PRKCB: variants seen among roughly 807,000 people sequenced by gnomAD.
The protein encoded by PRKCB is protein kinase C beta type.
Under a neutral mutation model 81.5 loss-of-function variants are expected in PRKCB, and 13 were observed. The observed-to-expected ratio is 0.16, with a 90% CI of 0.10 to 0.25. The LOEUF is 0.25. Among genes scored for constraint, PRKCB ranks in the 10% least tolerant of loss-of-function variants. The pLI, the probability that PRKCB is intolerant of heterozygous loss-of-function variation, is 1.00. For missense variants in PRKCB, 509 were observed against 875.7 expected, an observed-to-expected ratio of 0.58 and a Z score of 5.29; for synonymous variants, 335 against 321.4, an observed-to-expected ratio of 1.04 and a Z score of -0.45.
chr16:23,953,120 A>T (rs1449705108), intron 2 of PRKCB, among the ~76,000 whole-genome samples: 1 of 152,112 alleles, frequency 6.6e-6, no homozygotes, highest in African/African-American at 2.4e-5. Context: ...ACGGAGACAC[A>T]GAGTGTTTGA....
Position 23,964,674 on chromosome 16 carries a change from GT to G in PRKCB, c.206-23818del, listed in dbSNP as rs71381628. ...TTCCAGGGGGCAAACACCTCATGAG[GT>G]TTTTTTTTTTTTTTTGGCAGTCTTG... On this transcript the variant is annotated intron_variant, in intron 2 of 16. Coordinates refer to ENST00000643927, the MANE Select transcript of PRKCB (RefSeq NM_002738.7). Among the ~76,000 whole-genome samples the G allele has an allele frequency of 7.5e-3, 1,035 of 138,834 alleles. 6 individuals are homozygous for G. The highest frequency in any genetic ancestry group is 0.016 in the African/African-American group (614 of 37,852). The allele number at this position is 138,834 out of a possible 152,430, so 91.1% of individuals were successfully genotyped here.
intron 12 of PRKCB, 86 bp from the exon 13 acceptor site, chr16:24,180,704 A>C: frequency 6.8e-7 from 1 of 1,474,918 alleles, no homozygotes; most frequent in Non-Finnish European, 9.3e-7. Context: ...CACCTAACAC[A>C]GTGTTTTATG....
intron 8 of PRKCB, among the ~76,000 whole-genome samples, chr16:24,123,423 A>C (rs1243742935): frequency 6.6e-6 from 1 of 152,218 alleles, no homozygotes; most frequent in Non-Finnish European, 1.5e-5. Flanking sequence ...TACCCTGAAA[A>C]TGATGGGATG....
chr16:24,012,517 C>G (rs189285056), intron 3 of PRKCB, among the ~76,000 whole-genome samples: 1 of 152,364 alleles, frequency 6.6e-6, no homozygotes, highest in East Asian at 1.9e-4. Flanking sequence ...CTCTGTCTCA[C>G]TGGCCTACCC....
intron 3 of PRKCB, among the ~76,000 whole-genome samples, chr16:24,006,828 G>A (rs567090476): frequency 8.7e-5 from 13 of 149,852 alleles, no homozygotes; most frequent in East Asian, 1.9e-4. Context: ...GTACTGATAC[G>A]GGGAGCAGGG....
At chr16:23,992,192 G>A (rs1964894694) in intron 3 of PRKCB, among the ~76,000 whole-genome samples, 1 of 152,228 alleles carries the variant, frequency 6.6e-6, no homozygotes. Context: ...TGAGGAATAA[G>A]TTTATCATTT....
chr16:24,201,967 C>T (rs540020492), intron 16 of PRKCB, among the ~76,000 whole-genome samples: 12 of 150,092 alleles, frequency 8.0e-5, no homozygotes, highest in East Asian at 4.0e-4. Flanking sequence ...ACCCAGGAGG[C>T]GGAGCTTGCA....
At chr16:24,007,421 G>A (rs575185180) in intron 3 of PRKCB, among the ~76,000 whole-genome samples, 5 of 152,350 alleles carry the variant, frequency 3.3e-5, no homozygotes, top group African/African-American at 1.2e-4. Context: ...CTGATAAAAT[G>A]ATGGTAATGT....
chr16:24,082,279 A>G (rs552594544), intron 5 of PRKCB, among the ~76,000 whole-genome samples: 1 of 152,330 alleles, frequency 6.6e-6, no homozygotes, highest in South Asian at 2.1e-4. Context: ...TGAAGATAGC[A>G]AGTCTTACGA....
chr16:24,175,626 G>T (rs575701861), intron 12 of PRKCB, among the ~76,000 whole-genome samples: 1 of 151,842 alleles, frequency 6.6e-6, no homozygotes, highest in South Asian at 2.1e-4. Flanking sequence ...GAGAGTTAGG[G>T]GTGACTTGAG....
chr16:24,215,552 C>G lies in PRKCB; in HGVS notation c.*736C>G. The G allele has an allele frequency of 2.0e-6, 2 of 985,522 alleles. No individual in the cohort carries two copies. Among genetic ancestry groups the G allele is most frequent in the Middle Eastern group, 5.2e-4 (1 of 1,914 alleles). 61.0% of individuals were successfully genotyped at this position (985,522 alleles called of 1,614,324 possible). A position where few individuals can be genotyped will look rare whatever the true frequency, so the allele number is the denominator to read the frequency against. ...CACTCTCTGAAACAACACAGTCACT[C>G]TAGCAAGGCCCCCAAAGGGCCCTGG... On this transcript the variant is annotated 3_prime_UTR_variant, in exon 17 of 17. Coordinates refer to ENST00000643927, the MANE Select transcript of PRKCB (RefSeq NM_002738.7).
chr16:24,046,713 C>T (rs557814883), intron 5 of PRKCB, among the ~76,000 whole-genome samples: 3 of 152,080 alleles, frequency 2.0e-5, no homozygotes, highest in East Asian at 1.9e-4. Context: ...GGGTGGGTGA[C>T]GCTGGAGGAA....
intron 5 of PRKCB, among the ~76,000 whole-genome samples, chr16:24,062,090 A>T (rs1184754676): frequency 6.6e-6 from 1 of 152,222 alleles, no homozygotes; most frequent in Non-Finnish European, 1.5e-5. Flanking sequence ...CGTTTCCAGT[A>T]TCTCATTACT....
chr16:24,119,118 T>C (rs1046573570), intron 8 of PRKCB, among the ~76,000 whole-genome samples: 1 of 121,858 alleles, frequency 8.2e-6, no homozygotes, highest in Non-Finnish European at 1.7e-5. Flanking sequence ...CCAACAGGGT[T>C]ATCAGACTTC....
intron 5 of PRKCB, among the ~76,000 whole-genome samples, chr16:24,077,147 G>C (rs952594908): frequency 1.3e-5 from 2 of 151,984 alleles, no homozygotes; most frequent in African/African-American, 4.8e-5. Flanking sequence ...TTGTGCTTGG[G>C]CTGTGCCATT....
chr16:24,020,308 T>C (rs2141844056), intron 3 of PRKCB, among the ~76,000 whole-genome samples: 1 of 152,360 alleles, frequency 6.6e-6, no homozygotes, highest in South Asian at 2.1e-4. Context: ...AAAATGGCAG[T>C]ACTGAATTGA....
intron 10 of PRKCB, among the ~76,000 whole-genome samples, chr16:24,155,123 C>G (rs1353358528): frequency 2.0e-5 from 3 of 152,212 alleles, no homozygotes; most frequent in Non-Finnish European, 4.4e-5. Flanking sequence ...TCTCTGACAG[C>G]AAGGAGTGAC....
chr16:23,957,546 T>C (rs1308895341), intron 2 of PRKCB, among the ~76,000 whole-genome samples: 1 of 152,238 alleles, frequency 6.6e-6, no homozygotes, highest in Non-Finnish European at 1.5e-5. Context: ...CAGTGTTTAC[T>C]GGGGGCCAGT....
chr16:23,913,782 C>A (rs1963696871), intron 2 of PRKCB, among the ~76,000 whole-genome samples: 1 of 152,178 alleles, frequency 6.6e-6, no homozygotes, highest in Admixed American at 6.5e-5. Flanking sequence ...TGTCCTTCAT[C>A]TCAGAATTCC....
Sources: gnomAD v4.1 joint callset for allele counts (sites outside exome capture counted in the v4.1 genomes callset) on GRCh38, gnomAD v4.1.1 for gene constraint, MANE v1.5 for transcripts, NCBI Gene and HGNC (gene_info 2026-07-23, HGNC 2026-07-21) for gene names.